PTDSS1: variants seen among roughly 807,000 people sequenced by gnomAD.
PTDSS1 encodes PSS-1.
In PTDSS1, 45 loss-of-function variants were observed where a neutral mutation model predicts 70.5. The observed-to-expected ratio is 0.64, with a 90% CI of 0.50 to 0.82. The LOEUF is 0.82. Ranked by LOEUF, PTDSS1 falls within the 40% of genes least tolerant of loss-of-function variation. The probability of loss-of-function intolerance (pLI) is 0.00; values close to 1 mark genes in which losing one functional copy is unlikely to be tolerated. For missense variants in PTDSS1, 417 were observed against 586.1 expected (o/e 0.71, Z 2.98); for synonymous variants, 188 against 203.8 (o/e 0.92, Z 0.66).
rs564080138 is a variant in PTDSS1, at chr8:96,274,588, G to A, written c.271+1198G>A. Among the ~76,000 whole-genome samples the A allele has an allele frequency of 1.2e-4, 19 of 152,280 alleles. No individual in the cohort carries two copies. In the East Asian group the frequency reaches 3.5e-3, roughly 28 times the overall value. On this transcript the variant is annotated intron_variant, in intron 2 of 12. Coordinates refer to ENST00000517309, the MANE Select transcript of PTDSS1 (RefSeq NM_014754.3). Reference sequence around the variant, plus strand: ...TAAAAATACAAAATTAGCCAGGCGTGGTGGTGCGTGCCTGTAATCCCAGCT... The same window carrying A: ...TAAAAATACAAAATTAGCCAGGCGTAGTGGTGCGTGCCTGTAATCCCAGCT...
intron 2 of PTDSS1, among the ~76,000 whole-genome samples, chr8:96,283,297 C>T (rs1415143063): frequency 6.6e-6 from 1 of 152,194 alleles, no homozygotes; most frequent in Non-Finnish European, 1.5e-5. Flanking sequence ...GAAGGCTGTT[C>T]AAAAGGCGTG....
intron 8 of PTDSS1, among the ~76,000 whole-genome samples, chr8:96,308,376 C>T (rs974318282): frequency 1.3e-5 from 2 of 152,286 alleles, no homozygotes; most frequent in African/African-American, 2.4e-5. Context: ...TGGGGTGAGA[C>T]GACAGTAGTT....
At chr8:96,297,756 A>T (rs1586196015) in intron 5 of PTDSS1, among the ~76,000 whole-genome samples, 3 of 151,864 alleles carry the variant, frequency 2.0e-5, no homozygotes, top group Admixed American at 2.0e-4. Flanking sequence ...GAAATAGAAC[A>T]CCTCGCCACT....
chr8:96,273,458 T>C (rs1810596029), intron 2 of PTDSS1, 68 bp downstream of exon 2: 1 of 1,178,972 alleles, frequency 8.5e-7, no homozygotes, highest in East Asian at 2.4e-5. Context: ...GAGATGTGAG[T>C]CATCTAGAAG....
intron 5 of PTDSS1, among the ~76,000 whole-genome samples, chr8:96,296,156 T>TTTC: frequency 2.0e-5 from 3 of 147,324 alleles, no homozygotes; most frequent in Non-Finnish European, 4.5e-5. Flanking sequence ...TTTTTTTTTT[T>TTTC]TTGCGACAGA....
chr8:96,293,121 T>G (rs1810930311), intron 4 of PTDSS1, among the ~76,000 whole-genome samples: 1 of 152,186 alleles, frequency 6.6e-6, no homozygotes, highest in Admixed American at 6.5e-5. Context: ...CGTGATCTGA[T>G]TATGATTTTC....
chr8:96,269,183 A>C (rs1403675491), intron 1 of PTDSS1, among the ~76,000 whole-genome samples: 4 of 152,226 alleles, frequency 2.6e-5, no homozygotes, highest in Admixed American at 6.5e-5. Context: ...GCATAATAGC[A>C]ATCTTGACCT....
intron 9 of PTDSS1, among the ~76,000 whole-genome samples, chr8:96,312,131 A>G (rs1336510941): frequency 6.6e-6 from 1 of 152,226 alleles, no homozygotes; most frequent in Non-Finnish European, 1.5e-5. Context: ...GACAGCCATG[A>G]AACACCATCC....
intron 11 of PTDSS1, chr8:96,330,815 G>T: frequency 1.8e-6 from 1 of 551,290 alleles, no homozygotes; most frequent in East Asian, 2.9e-5. Context: ...AGAACTTAAG[G>T]CATGTTGTGG....
intron 2 of PTDSS1, 75 bp from the exon 3 acceptor site, chr8:96,284,034 A>G: frequency 1.1e-5 from 13 of 1,208,874 alleles, no homozygotes; most frequent in Non-Finnish European, 1.6e-5. Context: ...ATCTGTATGG[A>G]GATCAGCAGC....
At chr8:96,264,237 T>C (rs781513021) in intron 1 of PTDSS1, among the ~76,000 whole-genome samples, 2 of 152,234 alleles carry the variant, frequency 1.3e-5, no homozygotes, top group Non-Finnish European at 2.9e-5. Flanking sequence ...CTTATCTGTA[T>C]GTAAAATGAA....
chr8:96,314,480 G>A (rs969009157), intron 9 of PTDSS1, among the ~76,000 whole-genome samples: 21 of 152,172 alleles, frequency 1.4e-4, no homozygotes, highest in Non-Finnish European at 7.3e-5. Flanking sequence ...CGTCCTGCTG[G>A]TATAGCTTTA....
chr8:96,315,639 T>C (rs1193752360), intron 9 of PTDSS1, among the ~76,000 whole-genome samples: 1 of 151,710 alleles, frequency 6.6e-6, no homozygotes, highest in Non-Finnish European at 1.5e-5. Flanking sequence ...GTGCTGGGAG[T>C]ATGTGCACCA....
chr8:96,323,425 G>A (rs1473296158), intron 10 of PTDSS1, among the ~76,000 whole-genome samples: 1 of 152,210 alleles, frequency 6.6e-6, no homozygotes, highest in East Asian at 1.9e-4. Flanking sequence ...GGAAGCCATG[G>A]CCTCCACAGC....
At chr8:96,284,955 G>A (rs1396724323) in intron 3 of PTDSS1, among the ~76,000 whole-genome samples, 1 of 152,226 alleles carries the variant, frequency 6.6e-6, no homozygotes, top group African/African-American at 2.4e-5. Context: ...GACAGATGCT[G>A]CTCTGTGCCC....
At chr8:96,295,810 T>C (rs1236172158) in intron 5 of PTDSS1, among the ~76,000 whole-genome samples, 2 of 152,240 alleles carry the variant, frequency 1.3e-5, no homozygotes, top group African/African-American at 4.8e-5. Flanking sequence ...TCTATTATTA[T>C]GAATCATTCC....
chr8:96,276,011 T>C (rs144331890), intron 2 of PTDSS1, among the ~76,000 whole-genome samples: 1 of 152,384 alleles, frequency 6.6e-6, no homozygotes, highest in African/African-American at 2.4e-5. Flanking sequence ...GTATCAGGTC[T>C]GTTCTTTAAG....
intron 5 of PTDSS1, among the ~76,000 whole-genome samples, chr8:96,298,995 G>A (rs924223885): frequency 2.0e-5 from 3 of 149,978 alleles, no homozygotes; most frequent in Non-Finnish European, 4.4e-5. Flanking sequence ...AGCCGAGATC[G>A]CACCACTGCA....
chr8:96,300,868 C>CT (rs1352566541), intron 6 of PTDSS1, among the ~76,000 whole-genome samples: 1 of 151,660 alleles, frequency 6.6e-6, no homozygotes, highest in Non-Finnish European at 1.5e-5. Flanking sequence ...TGTGCATCGC[C>CT]TTTTTTTTGG....
Sources: gnomAD v4.1 joint callset for allele counts (sites outside exome capture counted in the v4.1 genomes callset) on GRCh38, gnomAD v4.1.1 for gene constraint, MANE v1.5 for transcripts, NCBI Gene and HGNC (gene_info 2026-07-23, HGNC 2026-07-21) for gene names.